CREB5: variants seen among roughly 807,000 people sequenced by gnomAD.
CREB5 encodes cAMP responsive element binding protein 5, also known as cyclic AMP-responsive element-binding protein 5.
Under a neutral mutation model 57.1 loss-of-function variants are expected in CREB5, and 19 were observed. That is an observed-to-expected ratio of 0.33 (90% confidence interval 0.23 to 0.49). The LOEUF is 0.49. CREB5 is among the 20% of genes least tolerant of loss of function. CREB5 has a pLI of 0.99. For synonymous variants in CREB5, 238 were observed against 238.3 expected (o/e 1.00, Z 0.01); for missense variants, 579 against 671.6 (o/e 0.86, Z 1.52).
chr7:28,371,167 G>A (rs1786697566), intron 1 of CREB5, among the ~76,000 whole-genome samples: 8 of 152,122 alleles, frequency 5.3e-5, no homozygotes, highest in Admixed American at 5.2e-4. Context: ...AAGAGACCGG[G>A]CAGCAGCAGA....
At chr7:28,525,860 A>G (rs1793424940) in intron 4 of CREB5, among the ~76,000 whole-genome samples, 1 of 152,200 alleles carries the variant, frequency 6.6e-6, no homozygotes, top group African/African-American at 2.4e-5. Context: ...CATCTGTAAA[A>G]TGGCAATAAT....
At chr7:28,601,605 G>A (rs766614251) in intron 5 of CREB5, among the ~76,000 whole-genome samples, 27 of 152,150 alleles carry the variant, frequency 1.8e-4, no homozygotes, top group Non-Finnish European at 3.1e-4. Context: ...TTGGGCACAT[G>A]GCAAGGGCTC....
At position 28,589,035 on chromosome 7, in the gene CREB5, C is replaced by T. The variant is rs77957775; in HGVS notation, c.464+18498C>T. ...AGAAATGTAAGACTCACTCTATGGT[C>T]ACTTTTCCTTGACATTCTACTTTGA... On this transcript the variant is annotated intron_variant, in intron 5 of 10. Transcript: ENST00000357727. Among the ~76,000 whole-genome samples the T allele has an allele frequency of 7.2e-4, 109 of 152,288 alleles. 1 individual carries two copies. Among genetic ancestry groups the T allele is most frequent in the Non-Finnish European group, 1.2e-3 (80 of 68,030 alleles).
rs185991671 is a variant in CREB5 at position 28,484,418 on chromosome 7, A to G, written c.4-3757A>G. Among the ~76,000 whole-genome samples the G allele has an allele frequency of 4.6e-5, 7 of 152,370 alleles. No individual in the cohort carries two copies. The East Asian group carries it at 1.3e-3, about 29-fold the overall frequency. ...TAGAGAGGTACCATTTAGAAAAACT[A>G]TTGCAAACACCTACACAGAAAGGAA... is the stretch of plus-strand genomic sequence containing the variant. On this transcript the variant is annotated intron_variant, in intron 1 of 10. Transcript: ENST00000357727.
chr7:28,754,725 C>G (rs1006450334), intron 7 of CREB5, among the ~76,000 whole-genome samples: 2 of 152,220 alleles, frequency 1.3e-5, no homozygotes, highest in African/African-American at 4.8e-5. Context: ...AAAAACTTCA[C>G]TCTTTTTTTT....
chr7:28,610,017 C>G (rs115901588), intron 5 of CREB5, among the ~76,000 whole-genome samples: 2,332 of 152,330 alleles, frequency 0.015, 50 homozygotes, highest in African/African-American at 0.052. Context: ...AATTGGAAGC[C>G]TTCCAGGGCC....
chr7:28,579,303 G>A lies in CREB5; in HGVS notation c.464+8766G>A, dbSNP rs115056872. ...CTGCTGAAGAAGAATTCTACAAAAC[G>A]CATTCATTCACATTTAGCAGGTAGT... On this transcript the variant is annotated intron_variant, in intron 5 of 10. Coordinates refer to ENST00000357727, the MANE Select transcript of CREB5 (RefSeq NM_182898.4). 2.9e-3 allele frequency among the ~76,000 whole-genome samples: 438 copies of A among 152,234 alleles called. 3 individuals are homozygous for A. Among genetic ancestry groups the A allele is most frequent in the African/African-American group, 9.9e-3 (410 of 41,530 alleles).
At chr7:28,455,573 A>G (rs999136455) in intron 1 of CREB5, among the ~76,000 whole-genome samples, 1 of 152,228 alleles carries the variant, frequency 6.6e-6, no homozygotes, top group Non-Finnish European at 1.5e-5. Flanking sequence ...AATCACAGAT[A>G]GGTATGAGCC....
chr7:28,729,031 C>T (rs1803475269), intron 7 of CREB5, among the ~76,000 whole-genome samples: 1 of 152,114 alleles, frequency 6.6e-6, no homozygotes. Context: ...TTGGACTGGT[C>T]ATGCTGTATT....
chr7:28,688,683 T>C (rs569681778), intron 5 of CREB5, among the ~76,000 whole-genome samples: 3 of 152,312 alleles, frequency 2.0e-5, no homozygotes, highest in East Asian at 1.9e-4. Flanking sequence ...TATGTAGTTA[T>C]GTACTTATGG....
chr7:28,447,641 GTA>G (rs1789551540), intron 1 of CREB5, among the ~76,000 whole-genome samples: 2 of 152,158 alleles, frequency 1.3e-5, no homozygotes, highest in Non-Finnish European at 2.9e-5. Context: ...TGGTGTGTGT[GTA>G]TGTGTGTATT....
At chr7:28,803,381 C>A (rs1178820604) in intron 7 of CREB5, among the ~76,000 whole-genome samples, 1 of 152,170 alleles carries the variant, frequency 6.6e-6, no homozygotes, top group Non-Finnish European at 1.5e-5. Flanking sequence ...TAGCTCTCTA[C>A]TTTTTAAAAT....
At chr7:28,768,368 G>T (rs1017261746) in intron 7 of CREB5, among the ~76,000 whole-genome samples, 9 of 152,092 alleles carry the variant, frequency 5.9e-5, no homozygotes, top group Non-Finnish European at 1.3e-4. Flanking sequence ...GAAGTTCTTG[G>T]GGGAATAGTT....
intron 4 of CREB5, among the ~76,000 whole-genome samples, chr7:28,548,840 C>A (rs1471819118): frequency 1.3e-5 from 2 of 152,136 alleles, no homozygotes; most frequent in African/African-American, 4.8e-5. Context: ...TTTGTCAGTT[C>A]CAGACATCCT....
chr7:28,534,976 T>G (rs1261649411), intron 4 of CREB5, among the ~76,000 whole-genome samples: 1 of 141,412 alleles, frequency 7.1e-6, no homozygotes, highest in Admixed American at 7.0e-5. Flanking sequence ...TTATTTATAT[T>G]TAGAAATGTA....
At chr7:28,446,224 C>T (rs1366983439) in intron 1 of CREB5, among the ~76,000 whole-genome samples, 4 of 152,122 alleles carry the variant, frequency 2.6e-5, no homozygotes, top group South Asian at 4.2e-4. Context: ...TCCCCTCCCC[C>T]ACACTCATCT....
chr7:28,604,425 A>G (rs779376052), intron 5 of CREB5, among the ~76,000 whole-genome samples: 9 of 152,138 alleles, frequency 5.9e-5, no homozygotes, highest in Non-Finnish European at 1.2e-4. Context: ...TGCCTACTAA[A>G]TAGTGCTTGG....
At chr7:28,614,452 G>C (rs114934560) in intron 5 of CREB5, among the ~76,000 whole-genome samples, 108 of 152,292 alleles carry the variant, frequency 7.1e-4, no homozygotes, top group African/African-American at 2.5e-3. Flanking sequence ...GACTAAGTGA[G>C]ACTATGCTCT....
intron 1 of CREB5, among the ~76,000 whole-genome samples, chr7:28,420,529 G>A (rs1051680229): frequency 6.6e-6 from 1 of 152,132 alleles, no homozygotes; most frequent in Non-Finnish European, 1.5e-5. Context: ...AGGTGAGGCC[G>A]GGCATGGTGG....
Sources: allele counts gnomAD v4.1 joint callset (sites outside exome capture counted in the v4.1 genomes callset), GRCh38; gene constraint gnomAD v4.1.1; transcripts MANE v1.5; gene names NCBI Gene and HGNC (gene_info 2026-07-23, HGNC 2026-07-21).